PKD1L3: variants seen among roughly 807,000 people sequenced by gnomAD.
PKD1L3 encodes polycystin 1 like 3, transient receptor potential channel interacting.
A neutral mutation model predicts 184.1 loss-of-function variants in PKD1L3; 239 were observed. The ratio of observed to expected loss-of-function variants is 1.30; its 90% CI spans 1.17 to 1.45. The LOEUF (loss-of-function observed/expected upper bound fraction) is 1.45, where lower values mean the gene tolerates loss of function less well. PKD1L3 is among the 40% of genes most tolerant of loss of function. The pLI is 0.00. For missense variants in PKD1L3, 2,660 were observed against 2,067.2 expected, an observed-to-expected ratio of 1.29 and a Z score of -5.56; for synonymous variants, 996 against 778.8, an observed-to-expected ratio of 1.28 and a Z score of -4.64.
At chr16:71,955,598 T>A (rs1448106885) in intron 16 of PKD1L3, among the ~76,000 whole-genome samples, 1 of 151,936 alleles carries the variant, frequency 6.6e-6, no homozygotes, top group Non-Finnish European at 1.5e-5. Context: ...GCTCAAGTGA[T>A]CCTCCCACCT....
At chr16:71,946,576 A>G (rs1468487317) in intron 22 of PKD1L3, among the ~76,000 whole-genome samples, 2 of 151,816 alleles carry the variant, frequency 1.3e-5, no homozygotes, top group African/African-American at 4.8e-5. Flanking sequence ...AGCCTTAGCC[A>G]GTTAGAGGGT....
Position 71,933,485 on chromosome 16 carries a change from G to A in PKD1L3, c.4861C>T (p.Arg1621Trp), listed in dbSNP as rs1013213188. ...GTCACTGCTGAGCTGAAAAATGTCC[G>A]GTAGTCAGAGATGCTGCATCCAAAC... ...LLFGCSISDY[R>W]TFFSSAVTVV... is the part of the protein sequence containing the mutation. Residue 1621 changes from arginine to tryptophan, a missense_variant, in exon 28 of 30, where the codon CGG becomes TGG. Transcript: ENST00000620267. 68 of 1,551,512 alleles carry A rather than the reference G, an allele frequency of 4.4e-5. No individual in the cohort carries two copies. The highest frequency in any genetic ancestry group is 1.4e-4 in the Admixed American group (7 of 50,970).
chr16:71,962,735 C>G (rs2039331000), intron 16 of PKD1L3, among the ~76,000 whole-genome samples: 1 of 152,192 alleles, frequency 6.6e-6, no homozygotes, highest in Admixed American at 6.5e-5. Context: ...CTGCCTCAGC[C>G]TCCCAAAGTG....
At chr16:71,945,396 A>ATATT (rs58831890) in intron 22 of PKD1L3, among the ~76,000 whole-genome samples, 120 of 41,740 alleles carry the variant, frequency 2.9e-3, no homozygotes, top group Non-Finnish European at 3.3e-3. Flanking sequence ...ATATATATAT[A>ATATT]TATTTATTTA....
At chr16:71,975,252 C>G (rs2039876231) in intron 11 of PKD1L3, among the ~76,000 whole-genome samples, 1 of 148,758 alleles carries the variant, frequency 6.7e-6, no homozygotes, top group African/African-American at 2.5e-5. Flanking sequence ...GAGACAGAGT[C>G]TCGCTCTGTT....
intron 5 of PKD1L3, among the ~76,000 whole-genome samples, chr16:71,984,837 C>T (rs752402073): frequency 3.0e-4 from 45 of 151,990 alleles, no homozygotes; most frequent in African/African-American, 8.2e-4. Context: ...CCAGCCTGGG[C>T]GACAGATCGA....
intron 3 of PKD1L3, among the ~76,000 whole-genome samples, chr16:71,992,354 T>C (rs1016510491): frequency 7.9e-5 from 12 of 152,250 alleles, no homozygotes; most frequent in Non-Finnish European, 2.9e-5. Flanking sequence ...CAAATGTCTA[T>C]TTAATTCAGT....
intron 12 of PKD1L3, among the ~76,000 whole-genome samples, chr16:71,971,319 C>G (rs2039701119): frequency 6.6e-6 from 1 of 152,170 alleles, no homozygotes; most frequent in Non-Finnish European, 1.5e-5. Context: ...AACATTTCTG[C>G]ATAATATTTA....
intron 19 of PKD1L3, among the ~76,000 whole-genome samples, chr16:71,950,789 G>T (rs1018514389): frequency 1.4e-4 from 21 of 146,370 alleles, no homozygotes; most frequent in Admixed American, 5.6e-4. Context: ...GCTGAGTGTA[G>T]TGGCACGATC....
chr16:71,984,015 T>A, intron 6 of PKD1L3, 21 bp downstream of exon 6: 2 of 1,550,830 alleles, frequency 1.3e-6, no homozygotes, highest in Non-Finnish European at 1.7e-6. Context: ...CCTTCTTCCC[T>A]CCCAGTCACC....
rs1555523481 is a variant in PKD1L3, at chr16:71,977,560, C to CTTTTTT, written c.1528-99_1528-94dup. 2.0e-5 allele frequency: 11 copies of CTTTTTT among 543,784 alleles called. 2 individuals carry two copies. Among genetic ancestry groups the CTTTTTT allele is most frequent in the African/African-American group, 5.2e-5 (2 of 38,238 alleles). 33.7% of individuals were successfully genotyped at this position (543,784 alleles called of 1,614,324 possible). A position where few individuals can be genotyped will look rare whatever the true frequency, so the allele number is the denominator to read the frequency against. On this transcript the variant is annotated intron_variant, in intron 10 of 29. Transcript: ENST00000620267. ...GATAAGGTAAGGAAACGTCCTAGCTCTTTTTTTTTTTTTTTTTTTTGAGAT... is the reference window on the plus strand; with the variant it reads ...GATAAGGTAAGGAAACGTCCTAGCTCTTTTTTTTTTTTTTTTTTTTTTTTTTGAGAT...
At chr16:71,945,805 G>A (rs967201491) in intron 22 of PKD1L3, among the ~76,000 whole-genome samples, 1 of 152,092 alleles carries the variant, frequency 6.6e-6, no homozygotes, top group Non-Finnish European at 1.5e-5. Flanking sequence ...CAGAGAAGGC[G>A]CCACAGAGGA....
chr16:71,941,862 G>A (rs535358387), intron 24 of PKD1L3, among the ~76,000 whole-genome samples: 1 of 151,734 alleles, frequency 6.6e-6, no homozygotes, highest in Non-Finnish European at 1.5e-5. Context: ...GGGATTACAG[G>A]CATGAGCCAC....
intron 11 of PKD1L3, among the ~76,000 whole-genome samples, chr16:71,975,707 C>T (rs2039892323): frequency 6.6e-6 from 1 of 152,168 alleles, no homozygotes; most frequent in South Asian, 2.1e-4. Context: ...TGCTTCCTTA[C>T]ATACATATCC....
chr16:71,956,074 T>A (rs1479556092), intron 16 of PKD1L3, among the ~76,000 whole-genome samples: 2 of 151,786 alleles, frequency 1.3e-5, no homozygotes, highest in African/African-American at 4.8e-5. Flanking sequence ...CCCAGGCTGG[T>A]CTCGAACTCC....
At chr16:71,932,578 A>G (rs1044831606) in intron 28 of PKD1L3, among the ~76,000 whole-genome samples, 4 of 152,026 alleles carry the variant, frequency 2.6e-5, no homozygotes, top group African/African-American at 7.3e-5. Context: ...GGTTAAGGCA[A>G]TTCTCCTGCA....
At position 71,963,207 on chromosome 16, in the gene PKD1L3, A is replaced by C. The variant is rs2039348038; in HGVS notation, c.2610T>G (p.Phe870Leu). 6.5e-7 allele frequency: 1 copy of C among 1,548,476 alleles called. No homozygotes were observed. The highest frequency in any genetic ancestry group is 1.2e-5 in the South Asian group (1 of 83,376). Residue 870 changes from phenylalanine (F) to leucine (L), a missense_variant and splice_region_variant, in exon 16 of 30, where the codon TTT becomes TTG. Coordinates refer to ENST00000620267, the MANE Select transcript of PKD1L3 (RefSeq NM_181536.2). ...IPVSKRELFS[F>L]RHLFSSMIVE... ...TAATAGTAATTTTCCAACAGTACCTAAAGGAAAAGAGCTCTCTCTTTGAAA... is the reference window on the plus strand; with the variant it reads ...TAATAGTAATTTTCCAACAGTACCTCAAGGAAAAGAGCTCTCTCTTTGAAA...
At chr16:71,998,249 C>A in intron 2 of PKD1L3, 23 bp downstream of exon 2, 1 of 1,550,940 alleles carries the variant, frequency 6.4e-7, no homozygotes, top group East Asian at 2.4e-5. Context: ...GGGTCTTTGG[C>A]AGCATGTAGC....
At chr16:71,996,020 G>A (rs2040770971) in intron 2 of PKD1L3, among the ~76,000 whole-genome samples, 1 of 152,046 alleles carries the variant, frequency 6.6e-6, no homozygotes, top group African/African-American at 2.4e-5. Flanking sequence ...TGTAAGTGAT[G>A]TGTATACTTA....
Sources: gnomAD v4.1 joint callset for allele counts (sites outside exome capture counted in the v4.1 genomes callset) on GRCh38, gnomAD v4.1.1 for gene constraint, MANE v1.5 for transcripts, NCBI Gene and HGNC (gene_info 2026-07-23, HGNC 2026-07-21) for gene names.